The following SLC25A30 variants were observed in gnomAD, a reference collection of about 807,000 sequenced individuals.
SLC25A30 encodes kidney mitochondrial carrier protein 1.
SLC25A30 carries 29 observed loss-of-function variants against 42.7 expected under a neutral mutation model. The ratio of observed to expected loss-of-function variants is 0.68; its 90% CI spans 0.51 to 0.93. The LOEUF (loss-of-function observed/expected upper bound fraction) is 0.93, where lower values mean the gene tolerates loss of function less well. SLC25A30 is among the 40% of genes least tolerant of loss of function. SLC25A30 has a pLI of 0.00. For missense variants in SLC25A30, 300 were observed against 359.7 expected, an observed-to-expected ratio of 0.83 and a Z score of 1.34; for synonymous variants, 124 against 131.0, an observed-to-expected ratio of 0.95 and a Z score of 0.37.
In SLC25A30 at chr13:45,398,997, T is replaced by G; in HGVS notation, c.696A>C (p.Arg232Ser). The G allele has an allele frequency of 3.7e-6, 6 of 1,614,012 alleles. No homozygotes were observed. Among genetic ancestry groups the G allele is most frequent in the Non-Finnish European group, 5.1e-6 (6 of 1,180,006 alleles). The change falls in exon 8 of 10, where the codon AGA (arginine) becomes AGC (serine). Residue 232 changes from arginine (R) to serine (S), a missense_variant. Physicochemically the swap from Arg to Ser is moderately radical, Grantham distance 110. Coordinates refer to ENST00000519676, the MANE Select transcript of SLC25A30 (RefSeq NM_001010875.4). ...DVVRTRMMNQRVLRDGRCSGY... is the reference protein window; with the variant it reads ...DVVRTRMMNQSVLRDGRCSGY... Reference sequence around the variant, plus strand: ...CAGAACATCTGCCATCTCGAAGCACTCTCTGATTCATCATACGTGTCCTCA... The same window carrying G: ...CAGAACATCTGCCATCTCGAAGCACGCTCTGATTCATCATACGTGTCCTCA...
the SLC25A30 span, among the ~76,000 whole-genome samples, chr13:45,427,579 T>C: frequency 5.9e-5 from 9 of 152,116 alleles, no homozygotes; most frequent in South Asian, 4.2e-4. Flanking sequence ...TATATAATCA[T>C]CTGTACCCTA....
At chr13:45,396,959 A>C in intron 9 of SLC25A30, 1 of 317,984 alleles carries the variant, frequency 3.1e-6, no homozygotes, top group Non-Finnish European at 5.8e-6. Flanking sequence ...TATAAAGCCA[A>C]TCCTCCTCTC....
rs191967811 is a variant in SLC25A30 at position 45,393,872 on chromosome 13, A to G, written c.*2102T>C. The G allele has an allele frequency of 4.7e-3, 4,593 of 985,382 alleles. 11 individuals are homozygous for G. Among genetic ancestry groups the G allele is most frequent in the Middle Eastern group, 9.4e-3 (18 of 1,914 alleles). 61.0% of individuals were successfully genotyped at this position (985,382 alleles called of 1,614,324 possible). A position where few individuals can be genotyped will look rare whatever the true frequency, so the allele number is the denominator to read the frequency against. On this transcript the variant is annotated 3_prime_UTR_variant, in exon 10 of 10. Coordinates refer to ENST00000519676, the MANE Select transcript of SLC25A30 (RefSeq NM_001010875.4). ...CCACCTTGGTAGGAACATGTATGTA[A>G]TTTGAATAAACTGGTAATAATACTG...
the SLC25A30 span, among the ~76,000 whole-genome samples, chr13:45,424,981 TA>T: frequency 4.3e-5 from 3 of 70,272 alleles, no homozygotes; most frequent in African/African-American, 6.5e-5. Flanking sequence ...TATAAGTATA[TA>T]AAAATATATA....
Position 45,394,463 on chromosome 13 carries a change from GTGGAAGGAGAA to G in SLC25A30, c.*1500_*1510del. On this transcript the variant is annotated 3_prime_UTR_variant, in exon 10 of 10. Transcript: ENST00000519676. ...AGACTGGGAATTTGGCCGCACTACTGTGGAAGGAGAATGCCCTGGAGCCCCAGCTAACATGT... is the reference window on the plus strand; with the variant it reads ...AGACTGGGAATTTGGCCGCACTACTGTGCCCTGGAGCCCCAGCTAACATGT... 1 of 985,398 alleles carries G rather than the reference GTGGAAGGAGAA, an allele frequency of 1.0e-6. No homozygotes were observed. Among genetic ancestry groups the G allele is most frequent in the Non-Finnish European group, 1.2e-6 (1 of 829,950 alleles). 61.0% of individuals were successfully genotyped at this position (985,398 alleles called of 1,614,324 possible). A position where few individuals can be genotyped will look rare whatever the true frequency, so the allele number is the denominator to read the frequency against.
intron 9 of SLC25A30, chr13:45,396,965 C>G: frequency 4.2e-6 from 1 of 239,024 alleles, no homozygotes. Context: ...GCCAATCCTC[C>G]TCTCTCTCTC....
chr13:45,400,663 A>G (rs1311222466), intron 7 of SLC25A30, among the ~76,000 whole-genome samples: 3 of 151,750 alleles, frequency 2.0e-5, no homozygotes, highest in Non-Finnish European at 4.4e-5. Flanking sequence ...TGCCCAGCTA[A>G]TTTTTTAATT....
intron 1 of SLC25A30, among the ~76,000 whole-genome samples, chr13:45,415,405 G>A (rs1324301585): frequency 6.6e-6 from 1 of 152,018 alleles, no homozygotes; most frequent in Admixed American, 6.6e-5. Flanking sequence ...TATACATTCA[G>A]AATAAATATA....
At chr13:45,418,714 C>A (rs1405793224), upstream of SLC25A30, 1 of 152,054 alleles carries the variant, frequency 6.6e-6, no homozygotes, top group Non-Finnish European at 1.5e-5. Context: ...ACGGTGCCCC[C>A]GTGAACCTTC....
chr13:45,415,446 T>C (rs1883433801), intron 1 of SLC25A30, among the ~76,000 whole-genome samples: 1 of 152,134 alleles, frequency 6.6e-6, no homozygotes, highest in Non-Finnish European at 1.5e-5. Context: ...TAAAAAATTT[T>C]ATTTTTAAAA....
intron 1 of SLC25A30, among the ~76,000 whole-genome samples, chr13:45,412,371 G>C (rs973294879): frequency 1.3e-5 from 2 of 152,136 alleles, no homozygotes; most frequent in African/African-American, 4.8e-5. Context: ...TGGGAAAAGA[G>C]GTGAGAGCCA....
chr13:45,424,121 A>C, the SLC25A30 span, among the ~76,000 whole-genome samples: 2 of 101,024 alleles, frequency 2.0e-5, no homozygotes, highest in Non-Finnish European at 3.4e-5. Context: ...ATATAAATAT[A>C]TATAAATATA....
At chr13:45,404,540 C>T (rs9534140) in intron 4 of SLC25A30, 128 bp from the exon 5 acceptor site, 240,562 of 683,544 alleles carry the variant, frequency 0.35, 47,390 homozygotes, top group Non-Finnish European at 0.43. Flanking sequence ...TGCTTCAGGC[C>T]GGGCATGGTA....
intron 9 of SLC25A30, 174 bp downstream of exon 9, chr13:45,397,084 G>C: frequency 1.7e-6 from 1 of 595,836 alleles, no homozygotes; most frequent in Non-Finnish European, 2.9e-6. Context: ...TCAGTGTCTA[G>C]CACGGAGACT....
chr13:45,406,335 G>A lies in SLC25A30; in HGVS notation c.213-358C>T, dbSNP rs1174054611. Among the ~76,000 whole-genome samples the A allele has an allele frequency of 3.3e-5, 5 of 152,136 alleles. 1 individual carries two copies. Among genetic ancestry groups the A allele is most frequent in the Admixed American group, 1.3e-4 (2 of 15,268 alleles). On this transcript the variant is annotated intron_variant, in intron 3 of 9. Coordinates refer to ENST00000519676, the MANE Select transcript of SLC25A30 (RefSeq NM_001010875.4). ...TGACCTCAGGCCTCGGCCTCCCAAA[G>A]TGCTGGGATTACAGGCATGAGCCAC... is the stretch of plus-strand genomic sequence containing the variant.
At chr13:45,402,133 G>T in intron 6 of SLC25A30, 142 bp downstream of exon 6, 1 of 473,806 alleles carries the variant, frequency 2.1e-6, no homozygotes, top group Non-Finnish European at 3.7e-6. Flanking sequence ...AATAAAGAAA[G>T]ATATTTTCAT....
the SLC25A30 span, among the ~76,000 whole-genome samples, chr13:45,433,686 T>C: frequency 4.6e-5 from 7 of 152,192 alleles, no homozygotes; most frequent in African/African-American, 1.7e-4. Context: ...GGCCGAGGCC[T>C]GAGGCTGGTG....
chr13:45,394,262 C>A lies in SLC25A30; in HGVS notation c.*1712G>T, dbSNP rs894963343. 1.0e-6 allele frequency: 1 copy of A among 980,300 alleles called. No individual in the cohort carries two copies. Among genetic ancestry groups the A allele is most frequent in the Non-Finnish European group, 1.2e-6 (1 of 826,154 alleles). The allele number at this position is 980,300 out of a possible 1,614,324, so 60.7% of individuals were successfully genotyped here. A position where few individuals can be genotyped will look rare whatever the true frequency, so the allele number is the denominator to read the frequency against. ...CACTGCACCCCGCCCCCGCCCCCAC[C>A]TTCTGTTATCCTCTCTTTTTGATGA... On this transcript the variant is annotated 3_prime_UTR_variant, in exon 10 of 10. Coordinates refer to ENST00000519676, the MANE Select transcript of SLC25A30 (RefSeq NM_001010875.4).
Position 45,411,498 on chromosome 13 carries a change from ATAT to A in SLC25A30, c.-55-21_-55-19del. On this transcript the variant is annotated intron_variant, in intron 1 of 9. Transcript: ENST00000519676. ...TGTTTTTCCTGGACACAACAATAAGATATTATCAAGCTGTAACTTCTCACACAG... is the reference window on the plus strand; with the variant it reads ...TGTTTTTCCTGGACACAACAATAAGATATCAAGCTGTAACTTCTCACACAG... 6.8e-7 allele frequency: 1 copy of A among 1,469,880 alleles called. No individual in the cohort carries two copies. Among genetic ancestry groups the A allele is most frequent in the Admixed American group, 1.8e-5 (1 of 57,094 alleles). The allele number at this position is 1,469,880 out of a possible 1,614,324, so 91.1% of individuals were successfully genotyped here. A position where few individuals can be genotyped will look rare whatever the true frequency, so the allele number is the denominator to read the frequency against.
Sources: gnomAD v4.1 joint callset for allele counts (sites outside exome capture counted in the v4.1 genomes callset) on GRCh38, gnomAD v4.1.1 for gene constraint, MANE v1.5 for transcripts, NCBI Gene and HGNC (gene_info 2026-07-23, HGNC 2026-07-21) for gene names.